Variants in CCDC85A observed in about 807,000 individuals in gnomAD.
CCDC85A encodes the protein coiled-coil domain containing 85A, also known as coiled-coil domain-containing protein 85A.
Under a neutral mutation model 50.2 loss-of-function variants are expected in CCDC85A, and 38 were observed. The observed-to-expected ratio is 0.76, with a 90% CI of 0.58 to 0.99. The LOEUF (loss-of-function observed/expected upper bound fraction) is 0.99, where lower values mean the gene tolerates loss of function less well. Among genes scored for constraint, CCDC85A ranks in the 50% least tolerant of loss-of-function variants. The pLI, the probability that CCDC85A is intolerant of heterozygous loss-of-function variation, is 0.00. For synonymous variants in CCDC85A, 366 were observed against 301.4 expected (o/e 1.21, Z -2.22); for missense variants, 820 against 742.0 (o/e 1.11, Z -1.22).
chr2:56,276,866 C>G (rs1052263386), intron 2 of CCDC85A, among the ~76,000 whole-genome samples: 1 of 152,076 alleles, frequency 6.6e-6, no homozygotes, highest in African/African-American at 2.4e-5. Flanking sequence ...CAAATGCAAA[C>G]CAGTGAGTGA....
chr2:56,269,337 GT>G (rs1367690173), intron 2 of CCDC85A, among the ~76,000 whole-genome samples: 15 of 14,484 alleles, frequency 1.0e-3, no homozygotes, highest in South Asian at 7.7e-3. Context: ...TGGCAAGGGT[GT>G]GTGTGTGTGT....
At chr2:56,217,155 T>C (rs1668091867) in intron 2 of CCDC85A, among the ~76,000 whole-genome samples, 1 of 151,956 alleles carries the variant, frequency 6.6e-6, no homozygotes, top group East Asian at 1.9e-4. Flanking sequence ...AAGTTTTATC[T>C]ATCTCTCCCA....
At chr2:56,204,533 C>T (rs56094907) in intron 2 of CCDC85A, among the ~76,000 whole-genome samples, 6,441 of 152,250 alleles carry the variant, frequency 0.042, 450 homozygotes, top group African/African-American at 0.15. Context: ...TCCATGCTGC[C>T]TCCAGCTTCT....
chr2:56,320,153 A>C (rs1386140569), intron 2 of CCDC85A, among the ~76,000 whole-genome samples: 1 of 152,190 alleles, frequency 6.6e-6, no homozygotes, highest in Non-Finnish European at 1.5e-5. Context: ...GTAGAGGGAA[A>C]TTTATAGCAC....
intron 2 of CCDC85A, among the ~76,000 whole-genome samples, chr2:56,337,030 A>T (rs577102946): frequency 3.9e-5 from 6 of 152,390 alleles, no homozygotes; most frequent in African/African-American, 1.4e-4. Flanking sequence ...AACCAAGTTC[A>T]TCGCACTCTG....
intron 2 of CCDC85A, among the ~76,000 whole-genome samples, chr2:56,294,644 A>G (rs1274164845): frequency 2.0e-5 from 3 of 152,204 alleles, no homozygotes; most frequent in Non-Finnish European, 4.4e-5. Flanking sequence ...CATTTCCTCT[A>G]TGATTATGTA....
Position 56,184,310 on chromosome 2 carries a change from C to G in CCDC85A, c.-315C>G. ...ACGGCGGTGCAGCTCCCCCGCTGTC[C>G]CCGAGGATTTCCCGCGGCAGCCCCG... On this transcript the variant is annotated 5_prime_UTR_variant, in exon 1 of 6. Transcript: ENST00000407595. 1.6e-6 allele frequency: 1 copy of G among 639,140 alleles called. No individual in the cohort carries two copies. Among genetic ancestry groups the G allele is most frequent in the Admixed American group, 5.3e-5 (1 of 18,874 alleles). The allele number at this position is 639,140 out of a possible 1,614,324, so 39.6% of individuals were successfully genotyped here. A position where few individuals can be genotyped will look rare whatever the true frequency, so the allele number is the denominator to read the frequency against.
At chr2:56,308,031 A>G (rs1033131215) in intron 2 of CCDC85A, among the ~76,000 whole-genome samples, 1 of 152,190 alleles carries the variant, frequency 6.6e-6, no homozygotes. Flanking sequence ...AGTTTACCCC[A>G]ATAGCTTCCT....
rs1674983585 is a variant in CCDC85A at position 56,352,193 on chromosome 2, T to A, written c.1317+9238T>A. On this transcript the variant is annotated intron_variant, in intron 3 of 5. Transcript: ENST00000407595. ...ATTTAAGTTGGTGCCTTCTGTATCC[T>A]TTACATATAAAGTAGACAAATATAA... is the stretch of plus-strand genomic sequence containing the variant. Among the ~76,000 whole-genome samples the A allele has an allele frequency of 2.0e-5, 3 of 152,316 alleles. No individual in the cohort carries two copies. In the South Asian group the frequency reaches 6.2e-4, roughly 32 times the overall value.
chr2:56,257,858 G>A, intron 2 of CCDC85A, among the ~76,000 whole-genome samples: 1 of 152,270 alleles, frequency 6.6e-6, no homozygotes, highest in East Asian at 1.9e-4. Context: ...TGTTGTAGAT[G>A]CCAAATCTTT....
intron 2 of CCDC85A, among the ~76,000 whole-genome samples, chr2:56,314,191 G>T (rs935840884): frequency 9.9e-5 from 15 of 150,926 alleles, no homozygotes; most frequent in African/African-American, 3.4e-4. Flanking sequence ...GGATTGTCAG[G>T]AGAGAAGGCA....
intron 2 of CCDC85A, among the ~76,000 whole-genome samples, chr2:56,194,059 A>G (rs1676432124): frequency 6.6e-6 from 1 of 152,310 alleles, no homozygotes; most frequent in East Asian, 1.9e-4. Context: ...AAAACGCATC[A>G]GCTGATTCCC....
At chr2:56,329,950 T>TG (rs1673692666) in intron 2 of CCDC85A, among the ~76,000 whole-genome samples, 2 of 76,280 alleles carry the variant, frequency 2.6e-5, no homozygotes, top group East Asian at 3.4e-4. Flanking sequence ...TTCCTGTTTT[T>TG]TTTTTTTTTT....
chr2:56,206,355 A>G (rs568580889), intron 2 of CCDC85A, among the ~76,000 whole-genome samples: 242 of 152,288 alleles, frequency 1.6e-3, no homozygotes, highest in African/African-American at 5.3e-3. Flanking sequence ...ATTTCTTTTC[A>G]ATGTGTTAGT....
intron 3 of CCDC85A, among the ~76,000 whole-genome samples, chr2:56,362,747 T>A (rs1338730027): frequency 6.6e-6 from 1 of 152,116 alleles, no homozygotes; most frequent in Non-Finnish European, 1.5e-5. Flanking sequence ...GCCTCCTGAG[T>A]AGCTGGGATT....
intron 3 of CCDC85A, among the ~76,000 whole-genome samples, chr2:56,343,506 C>T (rs979552959): frequency 1.3e-5 from 2 of 152,122 alleles, no homozygotes; most frequent in African/African-American, 2.4e-5. Context: ...TAAAGTGGCA[C>T]TTTTTCCAGG....
chr2:56,315,094 C>G (rs1672861739), intron 2 of CCDC85A, among the ~76,000 whole-genome samples: 1 of 152,180 alleles, frequency 6.6e-6, no homozygotes, highest in African/African-American at 2.4e-5. Context: ...AACCTCCACA[C>G]AGAGCATTAT....
chr2:56,262,584 G>A (rs1339766918), intron 2 of CCDC85A, among the ~76,000 whole-genome samples: 1 of 152,126 alleles, frequency 6.6e-6, no homozygotes. Context: ...ACCAGTGGTA[G>A]CCATCAGTAA....
chr2:56,192,170 G>T lies in CCDC85A; in HGVS notation c.277-307G>T, dbSNP rs1337067088. 6.6e-6 allele frequency among the ~76,000 whole-genome samples: 1 copy of T among 151,862 alleles called. No homozygotes were observed. The highest frequency in any genetic ancestry group is 1.9e-4 in the East Asian group (1 of 5,174). ...TGACATAATGCAAGTAAAGTATTGT[G>T]CAGGGATAGAACTGATACTTAAGTT... On this transcript the variant is annotated intron_variant, in intron 1 of 5. Coordinates refer to ENST00000407595, the MANE Select transcript of CCDC85A (RefSeq NM_001080433.2). The surrounding 1 kb of genome is among the most constrained non-coding windows in gnomAD (Gnocchi z 4.7).
Sources: allele counts gnomAD v4.1 joint callset (sites outside exome capture counted in the v4.1 genomes callset), GRCh38; gene constraint gnomAD v4.1.1; non-coding constraint Gnocchi (gnomAD v3.1); transcripts MANE v1.5; gene names NCBI Gene and HGNC (gene_info 2026-07-23, HGNC 2026-07-21).